Variants in EXOC4 observed in about 807,000 individuals in gnomAD.
The protein encoded by EXOC4 is SEC8-like 1.
In EXOC4, 71 loss-of-function variants were observed where a neutral mutation model predicts 107.2. The observed-to-expected ratio is 0.66, with a 90% confidence interval of 0.55 to 0.81. The LOEUF is 0.81. Among genes scored for constraint, EXOC4 ranks in the 30% least tolerant of loss-of-function variants. The probability of loss-of-function intolerance (pLI) is 0.00; values close to 1 mark genes in which losing one functional copy is unlikely to be tolerated. For missense variants in EXOC4, 1,108 were observed against 1,189.6 expected, an observed-to-expected ratio of 0.93 and a Z score of 1.01; for synonymous variants, 456 against 441.2, an observed-to-expected ratio of 1.03 and a Z score of -0.42.
chr7:133,879,156 A>G (rs762137432), intron 11 of EXOC4, among the ~76,000 whole-genome samples: 3 of 152,022 alleles, frequency 2.0e-5, no homozygotes, highest in Non-Finnish European at 4.4e-5. Flanking sequence ...AGGCTTGAGT[A>G]TTGGTGCAAT....
the EXOC4 span, among the ~76,000 whole-genome samples, chr7:134,073,205 C>CAAAAAAAAAAAAAA: frequency 5.3e-4 from 12 of 22,598 alleles, 1 homozygote; most frequent in East Asian, 3.8e-3. Context: ...GACTTCCTCT[C>CAAAAAAAAAAAAAA]AAAAAAAAAA....
chr7:133,515,412 C>T (rs574903178), intron 9 of EXOC4, among the ~76,000 whole-genome samples: 15 of 151,866 alleles, frequency 9.9e-5, no homozygotes, highest in African/African-American at 2.9e-4. Flanking sequence ...TATATATACA[C>T]GTGTATATAT....
At chr7:133,583,949 G>A (rs1167492164) in intron 9 of EXOC4, among the ~76,000 whole-genome samples, 1 of 152,192 alleles carries the variant, frequency 6.6e-6, no homozygotes, top group African/African-American at 2.4e-5. Flanking sequence ...ATAACGAACT[G>A]TGGCTGTGTC....
chr7:133,813,409 A>T (rs1203334375), intron 10 of EXOC4, among the ~76,000 whole-genome samples: 6 of 152,226 alleles, frequency 3.9e-5, no homozygotes, highest in African/African-American at 1.4e-4. Context: ...GAAAATAGAG[A>T]TTCTGATGAT....
chr7:133,798,824 C>G (rs942696556), intron 10 of EXOC4, among the ~76,000 whole-genome samples: 1 of 152,118 alleles, frequency 6.6e-6, no homozygotes, highest in East Asian at 1.9e-4. Context: ...AGCACAATCC[C>G]TCTACTCAGA....
chr7:133,824,617 G>T (rs1185617283), intron 11 of EXOC4, among the ~76,000 whole-genome samples: 9 of 152,106 alleles, frequency 5.9e-5, no homozygotes, highest in African/African-American at 1.9e-4. Flanking sequence ...TAAACTTAGT[G>T]CCTTAAAACA....
At chr7:133,726,171 A>G (rs935345521) in intron 10 of EXOC4, among the ~76,000 whole-genome samples, 4 of 152,230 alleles carry the variant, frequency 2.6e-5, no homozygotes, top group Non-Finnish European at 5.9e-5. Flanking sequence ...TCTCCTAGAG[A>G]GAGAATTTGA....
intron 14 of EXOC4, among the ~76,000 whole-genome samples, chr7:133,993,035 G>A (rs1794299436): frequency 6.6e-6 from 1 of 151,846 alleles, no homozygotes; most frequent in South Asian, 2.1e-4. Context: ...TTATTCTGTT[G>A]ATGTGATGTA....
intron 7 of EXOC4, among the ~76,000 whole-genome samples, chr7:133,379,379 C>A (rs1488367512): frequency 6.6e-6 from 1 of 151,896 alleles, no homozygotes; most frequent in Non-Finnish European, 1.5e-5. Context: ...TATCTCTCCC[C>A]TTTTAATACA....
At chr7:133,514,285 C>T (rs1315014833) in intron 9 of EXOC4, among the ~76,000 whole-genome samples, 1 of 152,068 alleles carries the variant, frequency 6.6e-6, no homozygotes, top group Non-Finnish European at 1.5e-5. Context: ...TTCCCTCAGC[C>T]TCCTGAGTAG....
At chr7:133,687,239 C>T (rs1794325337) in intron 10 of EXOC4, among the ~76,000 whole-genome samples, 5 of 151,754 alleles carry the variant, frequency 3.3e-5, no homozygotes, top group Admixed American at 3.3e-4. Flanking sequence ...ATACAGTGGA[C>T]TTTAGGCACT....
intron 10 of EXOC4, among the ~76,000 whole-genome samples, chr7:133,633,919 T>C (rs1802647731): frequency 6.6e-6 from 1 of 152,298 alleles, no homozygotes; most frequent in South Asian, 2.1e-4. Flanking sequence ...CTGGTGTCAC[T>C]GGTACTCTGT....
intron 17 of EXOC4, among the ~76,000 whole-genome samples, chr7:134,015,735 TGTG>T (rs1794891406): frequency 6.6e-6 from 1 of 151,654 alleles, no homozygotes; most frequent in Admixed American, 6.6e-5. Context: ...ATTAGCCAGG[TGTG>T]GTGGCACGTG....
intron 14 of EXOC4, among the ~76,000 whole-genome samples, chr7:133,939,789 A>C (rs894108786): frequency 7.2e-5 from 11 of 152,216 alleles, no homozygotes; most frequent in African/African-American, 2.7e-4. Flanking sequence ...CAGATTTTAC[A>C]TAAGGAGGTA....
At chr7:133,533,530 T>C (rs1800219394) in intron 9 of EXOC4, among the ~76,000 whole-genome samples, 2 of 152,202 alleles carry the variant, frequency 1.3e-5, no homozygotes, top group Non-Finnish European at 2.9e-5. Context: ...AGGCAGAATA[T>C]ATTAATGGAC....
At chr7:133,514,352 C>T (rs946441412) in intron 9 of EXOC4, among the ~76,000 whole-genome samples, 10 of 152,182 alleles carry the variant, frequency 6.6e-5, no homozygotes, top group Non-Finnish European at 1.2e-4. Context: ...TTAGTAGAGA[C>T]GGAGTTTCAC....
At chr7:133,454,008 T>C (rs952972823) in intron 7 of EXOC4, among the ~76,000 whole-genome samples, 1 of 152,200 alleles carries the variant, frequency 6.6e-6, no homozygotes, top group African/African-American at 2.4e-5. Flanking sequence ...CAAACTAATA[T>C]AATTTTAACA....
chr7:133,308,174 A>G (rs1376270257), intron 4 of EXOC4, among the ~76,000 whole-genome samples: 1 of 152,204 alleles, frequency 6.6e-6, no homozygotes, highest in Non-Finnish European at 1.5e-5. Flanking sequence ...AAAGATGAAC[A>G]GTGGTCAATC....
intron 10 of EXOC4, among the ~76,000 whole-genome samples, chr7:133,632,859 A>G (rs952873844): frequency 3.9e-5 from 6 of 152,070 alleles, no homozygotes; most frequent in Non-Finnish European, 7.4e-5. Context: ...CTTTTATTCT[A>G]TGCTAGTTTA....
Sources: allele counts gnomAD v4.1 joint callset (sites outside exome capture counted in the v4.1 genomes callset), GRCh38; gene constraint gnomAD v4.1.1; transcripts MANE v1.5; gene names NCBI Gene and HGNC (gene_info 2026-07-23, HGNC 2026-07-21).